FOXJ3: variants seen among roughly 807,000 people sequenced by gnomAD.
FOXJ3 encodes the protein forkhead box protein J3.
Under a neutral mutation model 76.1 loss-of-function variants are expected in FOXJ3, and 22 were observed. That is an observed-to-expected ratio of 0.29 (90% CI 0.21 to 0.41). The LOEUF is 0.41. Ranked by LOEUF, FOXJ3 falls within the 10% of genes least tolerant of loss-of-function variation. The probability of loss-of-function intolerance (pLI) is 1.00; values close to 1 mark genes in which losing one functional copy is unlikely to be tolerated. For missense variants in FOXJ3, 613 were observed against 762.1 expected, an observed-to-expected ratio of 0.80 and a Z score of 2.30; for synonymous variants, 269 against 261.2, an observed-to-expected ratio of 1.03 and a Z score of -0.29.
intron 2 of FOXJ3, among the ~76,000 whole-genome samples, chr1:42,291,071 T>TAGAC (rs1393418289): frequency 0.028 from 2,456 of 87,186 alleles, 25 homozygotes; most frequent in African/African-American, 0.06. Context: ...GATAGATAGA[T>TAGAC]AGATAGATAG....
At chr1:42,224,235 T>A (rs567376343) in intron 5 of FOXJ3, among the ~76,000 whole-genome samples, 2 of 152,314 alleles carry the variant, frequency 1.3e-5, no homozygotes, top group Admixed American at 1.3e-4. Context: ...TGAAATTTTA[T>A]TCAATTTGTT....
chr1:42,275,707 G>T (rs995897996), intron 3 of FOXJ3, among the ~76,000 whole-genome samples: 2 of 152,060 alleles, frequency 1.3e-5, no homozygotes, highest in African/African-American at 4.8e-5. Context: ...AAAAAAGAAA[G>T]TTGAATGATT....
intron 5 of FOXJ3, among the ~76,000 whole-genome samples, chr1:42,226,839 TC>T (rs1647610703): frequency 6.6e-6 from 1 of 152,194 alleles, no homozygotes; most frequent in Non-Finnish European, 1.5e-5. Flanking sequence ...CCCAACCTAA[TC>T]CCAGTTTGAG....
chr1:42,227,994 T>C (rs771387576), intron 4 of FOXJ3, 28 bp from the exon 5 acceptor site: 11 of 1,163,852 alleles, frequency 9.5e-6, no homozygotes, highest in Admixed American at 2.0e-5. Flanking sequence ...ATATTAACAG[T>C]ATATTACAGC....
At chr1:42,236,572 T>TA (rs1276176601) in intron 4 of FOXJ3, among the ~76,000 whole-genome samples, 1 of 152,244 alleles carries the variant, frequency 6.6e-6, no homozygotes, top group Admixed American at 6.5e-5. Flanking sequence ...GTGTGCAATT[T>TA]AAGAAATTTT....
intron 5 of FOXJ3, among the ~76,000 whole-genome samples, chr1:42,214,440 A>C (rs1647026434): frequency 6.6e-6 from 1 of 152,204 alleles, no homozygotes; most frequent in South Asian, 2.1e-4. Flanking sequence ...GATGAATCTA[A>C]TCTGGTGGCA....
chr1:42,186,051 A>C (rs747150659), intron 11 of FOXJ3, among the ~76,000 whole-genome samples: 1 of 152,164 alleles, frequency 6.6e-6, no homozygotes, highest in Non-Finnish European at 1.5e-5. Context: ...AAAGGGATAA[A>C]ATTAACAGCT....
intron 5 of FOXJ3, among the ~76,000 whole-genome samples, chr1:42,217,783 G>A (rs749969179): frequency 2.0e-5 from 3 of 152,184 alleles, no homozygotes; most frequent in Non-Finnish European, 4.4e-5. Context: ...AAATGTTAAT[G>A]TGCCACTGTT....
intron 3 of FOXJ3, among the ~76,000 whole-genome samples, chr1:42,268,095 C>T (rs1651606313): frequency 6.6e-6 from 1 of 151,814 alleles, no homozygotes; most frequent in Admixed American, 6.6e-5. Context: ...AAGACATCAA[C>T]CCAAATATGC....
At chr1:42,296,955 G>T (rs1367639614) in intron 2 of FOXJ3, among the ~76,000 whole-genome samples, 1 of 152,050 alleles carries the variant, frequency 6.6e-6, no homozygotes, top group Non-Finnish European at 1.5e-5. Context: ...TTTGCCATTT[G>T]TTTGTGTCAT....
intron 2 of FOXJ3, among the ~76,000 whole-genome samples, chr1:42,306,420 A>G (rs940239448): frequency 1.1e-4 from 16 of 148,002 alleles, no homozygotes; most frequent in Non-Finnish European, 2.4e-4. Flanking sequence ...CTCCTGCCTC[A>G]GCCTCCCGAG....
chr1:42,334,418 GA>G lies in FOXJ3; in HGVS notation c.-18+640del, dbSNP rs1378588724. Among the ~76,000 whole-genome samples, 620 of 152,202 alleles carry G rather than the reference GA, an allele frequency of 4.1e-3. 5 individuals carry two copies. The highest frequency in any genetic ancestry group is 0.014 in the African/African-American group (585 of 41,544). The stretch of plus-strand genomic sequence containing the variant: ...TCACCAGCTGCAAAAATGGAGCTGG[GA>G]GGGGGGGCGGGAGACACTCTACCAC... On this transcript the variant is annotated intron_variant, in intron 1 of 12. Coordinates refer to ENST00000361346, the MANE Select transcript of FOXJ3 (RefSeq NM_014947.5).
At position 42,265,195 on chromosome 1, in the gene FOXJ3, A is replaced by T; in HGVS notation, c.370-6T>A. The T allele has an allele frequency of 6.5e-7, 1 of 1,532,252 alleles. No individual in the cohort carries two copies. Among genetic ancestry groups the T allele is most frequent in the South Asian group, 1.2e-5 (1 of 83,708 alleles). 94.9% of individuals were successfully genotyped at this position (1,532,252 alleles called of 1,614,324 possible). Reference sequence around the variant, plus strand: ...AGATTATGTCGTATGGAATTCTGGAATTAAAGAAGAAAAGCCATAAGGTCA... The same window carrying T: ...AGATTATGTCGTATGGAATTCTGGATTTAAAGAAGAAAAGCCATAAGGTCA... On this transcript the variant is annotated splice_polypyrimidine_tract_variant and splice_region_variant and intron_variant, in intron 3 of 12. Transcript: ENST00000361346.
chr1:42,179,829 G>A lies in FOXJ3; in HGVS notation c.1754-4C>T, dbSNP rs907691. ...TGGTTCATGGCTCTGTGATGGCCTG[G>A]AAGGAAAGAGGCAATAATAGCAGCG... On this transcript the variant is annotated splice_region_variant and splice_polypyrimidine_tract_variant and intron_variant, in intron 12 of 12. Coordinates refer to ENST00000361346, the MANE Select transcript of FOXJ3 (RefSeq NM_014947.5). 3 of 1,601,328 alleles carry A rather than the reference G, an allele frequency of 1.9e-6. No individual in the cohort carries two copies. The highest frequency in any genetic ancestry group is 1.7e-5 in the Admixed American group (1 of 59,986).
At chr1:42,272,001 A>T (rs1651900316) in intron 3 of FOXJ3, among the ~76,000 whole-genome samples, 1 of 152,212 alleles carries the variant, frequency 6.6e-6, no homozygotes, top group Non-Finnish European at 1.5e-5. Context: ...AAATCATTCA[A>T]TTATGGAATA....
At chr1:42,307,746 C>A (rs2124749179) in intron 2 of FOXJ3, among the ~76,000 whole-genome samples, 1 of 152,164 alleles carries the variant, frequency 6.6e-6, no homozygotes, top group Non-Finnish European at 1.5e-5. Context: ...ACTTTGCAGC[C>A]ATTTTTTTAA....
At chr1:42,285,083 C>T (rs1426811417) in intron 2 of FOXJ3, among the ~76,000 whole-genome samples, 1 of 152,040 alleles carries the variant, frequency 6.6e-6, no homozygotes, top group Non-Finnish European at 1.5e-5. Flanking sequence ...GGTTTATTTT[C>T]AATCTTTTGT....
intron 6 of FOXJ3, among the ~76,000 whole-genome samples, chr1:42,202,550 G>A (rs1646783094): frequency 6.6e-6 from 1 of 152,284 alleles, no homozygotes. Context: ...GTGGGTAAAT[G>A]TAAAGCCATT....
At chr1:42,285,790 T>C (rs918336569) in intron 2 of FOXJ3, among the ~76,000 whole-genome samples, 10 of 152,262 alleles carry the variant, frequency 6.6e-5, no homozygotes, top group African/African-American at 2.4e-4. Context: ...ATGATCAATA[T>C]GGACTAGTGA....
Sources: gnomAD v4.1 joint callset for allele counts (sites outside exome capture counted in the v4.1 genomes callset) on GRCh38, gnomAD v4.1.1 for gene constraint, MANE v1.5 for transcripts, NCBI Gene and HGNC (gene_info 2026-07-23, HGNC 2026-07-21) for gene names.